Variants in DNAJC13 observed in about 807,000 individuals in gnomAD.
DNAJC13 encodes the protein DnaJ heat shock protein family (Hsp40) member C13.
In DNAJC13, 75 loss-of-function variants were observed where a neutral mutation model predicts 290.5. The observed-to-expected ratio is 0.26, with a 90% CI of 0.21 to 0.31. The LOEUF is 0.31. Among genes scored for constraint, DNAJC13 ranks in the 10% least tolerant of loss-of-function variants. The probability of loss-of-function intolerance (pLI) is 1.00; values close to 1 mark genes in which losing one functional copy is unlikely to be tolerated. For missense variants in DNAJC13, 2,260 were observed against 2,674.5 expected, an observed-to-expected ratio of 0.85 and a Z score of 3.42; for synonymous variants, 862 against 892.0, an observed-to-expected ratio of 0.97 and a Z score of 0.60.
intron 2 of DNAJC13, among the ~76,000 whole-genome samples, chr3:132,443,228 C>T (rs1280488893): frequency 6.6e-6 from 1 of 152,194 alleles, no homozygotes; most frequent in African/African-American, 2.4e-5. Flanking sequence ...TCTTGGCTCA[C>T]TGCAGCCTCT....
rs557148133 is a variant in DNAJC13 at position 132,538,347 on chromosome 3, C to T, written c.*65C>T. 4.3e-4 allele frequency: 546 copies of T among 1,274,708 alleles called. No homozygotes were observed. Among genetic ancestry groups the T allele is most frequent in the Middle Eastern group, 2.1e-3 (9 of 4,320 alleles). 79.0% of individuals were successfully genotyped at this position (1,274,708 alleles called of 1,614,324 possible). On this transcript the variant is annotated 3_prime_UTR_variant, in exon 56 of 56. Coordinates refer to ENST00000260818, the MANE Select transcript of DNAJC13 (RefSeq NM_015268.4). The stretch of plus-strand genomic sequence containing the variant: ...CAAGTCCACATTCCTCCAGCTGATA[C>T]GTTGAAGCAAACTCTTACTGCCTTT...
In DNAJC13 at chr3:132,456,713, A is replaced by T. The variant is rs781495970; in HGVS notation, c.1230A>T (p.Ala410=). ...AACTGATCAATAATGCCATAACAGC[A>T]TTACTGTCCCAAGAAGGGGATGTCG... ...KEKLINNAIT[A]LLSQEGDVVA... is the part of the protein sequence containing the mutation. Residue 410 remains alanine, a synonymous_variant, in exon 12 of 56, where the codon GCA becomes GCT. Coordinates refer to ENST00000260818, the MANE Select transcript of DNAJC13 (RefSeq NM_015268.4). 1 of 1,614,104 alleles carries T rather than the reference A, an allele frequency of 6.2e-7. No homozygotes were observed. The highest frequency in any genetic ancestry group is 1.1e-5 in the South Asian group (1 of 91,088).
intron 2 of DNAJC13, among the ~76,000 whole-genome samples, chr3:132,439,597 C>T (rs1013751966): frequency 1.3e-5 from 2 of 152,172 alleles, no homozygotes; most frequent in African/African-American, 4.8e-5. Flanking sequence ...AATTGGATCA[C>T]ATCTCCTTTA....
chr3:132,446,672 G>A (rs1933252080), intron 3 of DNAJC13, 122 bp downstream of exon 3: 2 of 612,624 alleles, frequency 3.3e-6, no homozygotes, highest in Non-Finnish European at 5.6e-6. Context: ...ATCAGAAAGA[G>A]ATTGATGTGC....
intron 2 of DNAJC13, among the ~76,000 whole-genome samples, chr3:132,438,650 TA>T: frequency 6.6e-6 from 1 of 152,340 alleles, no homozygotes; most frequent in Middle Eastern, 3.4e-3. Context: ...AAAATTAAGA[TA>T]ACCTGTCCAG....
intron 36 of DNAJC13, among the ~76,000 whole-genome samples, 189 bp from the exon 37 acceptor site, chr3:132,498,937 C>T (rs566008026): frequency 1.1e-4 from 16 of 152,140 alleles, no homozygotes. Flanking sequence ...AGGATGGTCT[C>T]AATCTCCTGA....
chr3:132,489,310 G>A (rs888842685), intron 31 of DNAJC13, among the ~76,000 whole-genome samples: 2 of 152,056 alleles, frequency 1.3e-5, no homozygotes, highest in African/African-American at 2.4e-5. Flanking sequence ...ATAAAGTTTA[G>A]ATTAGTGATT....
intron 20 of DNAJC13, chr3:132,472,447 TAAAGTA>T (rs1313294179): frequency 5.0e-6 from 3 of 599,388 alleles, no homozygotes; most frequent in Non-Finnish European, 6.3e-6. Context: ...ATTTTAGTCT[TAAAGTA>T]AAGATAATTT....
chr3:132,530,291 C>T (rs1936379277), intron 54 of DNAJC13, among the ~76,000 whole-genome samples: 1 of 152,158 alleles, frequency 6.6e-6, no homozygotes. Context: ...GTTCACTGTG[C>T]CTACCACATA....
chr3:132,444,421 A>G (rs542074462), intron 2 of DNAJC13, among the ~76,000 whole-genome samples: 4 of 152,332 alleles, frequency 2.6e-5, no homozygotes, highest in Admixed American at 2.6e-4. Context: ...TTATATGAGA[A>G]AGATATTAGA....
At chr3:132,428,307 C>T (rs1436076750) in intron 1 of DNAJC13, among the ~76,000 whole-genome samples, 1 of 152,168 alleles carries the variant, frequency 6.6e-6, no homozygotes, top group Non-Finnish European at 1.5e-5. Flanking sequence ...GTTTCCAGAC[C>T]ACTTGCCATT....
chr3:132,530,287 T>C (rs1205875476), intron 54 of DNAJC13, among the ~76,000 whole-genome samples: 1 of 152,260 alleles, frequency 6.6e-6, no homozygotes, highest in Non-Finnish European at 1.5e-5. Flanking sequence ...TTGTGTTCAC[T>C]GTGCCTACCA....
chr3:132,456,090 TA>T, intron 9 of DNAJC13, 144 bp from the exon 10 acceptor site: 2 of 659,546 alleles, frequency 3.0e-6, no homozygotes, highest in African/African-American at 1.8e-5. Flanking sequence ...GAGCTCTTCC[TA>T]AAGCCCCACT....
intron 46 of DNAJC13, among the ~76,000 whole-genome samples, chr3:132,515,593 G>GT (rs1935896411): frequency 6.6e-6 from 1 of 152,044 alleles, no homozygotes; most frequent in Non-Finnish European, 1.5e-5. Context: ...TTCAAACAAT[G>GT]TAAAACTAAA....
chr3:132,456,923 T>A (rs1434445200), intron 12 of DNAJC13, 91 bp downstream of exon 12: 3 of 1,360,816 alleles, frequency 2.2e-6, no homozygotes. Context: ...TTTCCTTGAC[T>A]AAACCAGATA....
chr3:132,434,521 A>G lies in DNAJC13; in HGVS notation c.-13-17A>G. ...TATATAACATGTACTAAGTGCCCTC[A>G]TATTTTTATCTTCCAGGTTTGAGCA... On this transcript the variant is annotated splice_polypyrimidine_tract_variant and intron_variant, in intron 1 of 55. Transcript: ENST00000260818. 4 of 1,581,594 alleles carry G rather than the reference A, an allele frequency of 2.5e-6. No homozygotes were observed. Among genetic ancestry groups the G allele is most frequent in the Non-Finnish European group, 3.5e-6 (4 of 1,155,992 alleles).
Position 132,531,081 on chromosome 3 carries a change from A to G in DNAJC13, c.6609A>G (p.Thr2203=), listed in dbSNP as rs372752451. ...KHDLFISESQ[T]AGYLTGPGVA... ...ATTTGTTCATTTCTGAGTCACAAACAGCAGGATACCTCACAGGTAAGCCAT... is the reference window on the plus strand; with the variant it reads ...ATTTGTTCATTTCTGAGTCACAAACGGCAGGATACCTCACAGGTAAGCCAT... Residue 2203 remains threonine, a synonymous_variant, in exon 55 of 56, where the codon ACA becomes ACG. Coordinates refer to ENST00000260818, the MANE Select transcript of DNAJC13 (RefSeq NM_015268.4). 2 of 1,614,066 alleles carry G rather than the reference A, an allele frequency of 1.2e-6. No homozygotes were observed. Among genetic ancestry groups the G allele is most frequent in the Non-Finnish European group, 1.7e-6 (2 of 1,179,934 alleles).
chr3:132,491,086 A>T, intron 32 of DNAJC13, 35 bp downstream of exon 32: 2 of 1,538,950 alleles, frequency 1.3e-6, no homozygotes, highest in Non-Finnish European at 1.8e-6. Flanking sequence ...TTTGTATTTT[A>T]TAATTAAGTC....
At chr3:132,435,620 C>T (rs1939366036) in intron 2 of DNAJC13, among the ~76,000 whole-genome samples, 1 of 152,158 alleles carries the variant, frequency 6.6e-6, no homozygotes, top group African/African-American at 2.4e-5. Flanking sequence ...CTTTAGAATA[C>T]TTGTCTCTCA....
Sources: gnomAD v4.1 joint callset for allele counts (sites outside exome capture counted in the v4.1 genomes callset) on GRCh38, gnomAD v4.1.1 for gene constraint, MANE v1.5 for transcripts, NCBI Gene and HGNC (gene_info 2026-07-23, HGNC 2026-07-21) for gene names.